The following KCTD15 variants were observed in gnomAD, a reference collection of about 807,000 sequenced individuals.
The protein encoded by KCTD15 is BTB/POZ domain-containing protein KCTD15.
KCTD15 carries 11 observed loss-of-function variants against 27.2 expected under a neutral mutation model. That is an observed-to-expected ratio of 0.41 (90% confidence interval 0.25 to 0.67). The LOEUF is 0.67. Ranked by LOEUF, KCTD15 falls within the 30% of genes least tolerant of loss-of-function variation. The pLI is 0.35. For synonymous variants in KCTD15, 163 were observed against 176.0 expected (o/e 0.93, Z 0.58); for missense variants, 350 against 409.3 (o/e 0.86, Z 1.25).
chr19:33,809,513 C>T (rs1270218846), intron 5 of KCTD15, among the ~76,000 whole-genome samples: 1 of 151,840 alleles, frequency 6.6e-6, no homozygotes, highest in Non-Finnish European at 1.5e-5. Context: ...GGTGGGGCAT[C>T]AGATGGAGAA....
At chr19:33,800,873 A>T (rs1319027544) in intron 3 of KCTD15, among the ~76,000 whole-genome samples, 2 of 152,104 alleles carry the variant, frequency 1.3e-5, no homozygotes, top group African/African-American at 2.4e-5. Context: ...AGAATTTTGC[A>T]GTTTGTTTTA....
intron 6 of KCTD15, chr19:33,812,446 G>A (rs923318528): frequency 9.2e-7 from 1 of 1,088,712 alleles, no homozygotes; most frequent in Non-Finnish European, 1.1e-6. Context: ...CCATGTGTCT[G>A]GAGAGAGGGC....
intron 5 of KCTD15, among the ~76,000 whole-genome samples, chr19:33,810,433 G>A (rs1372831895): frequency 6.6e-6 from 1 of 152,102 alleles, no homozygotes. Context: ...AGTGGCTCAC[G>A]CCTTGGGAGG....
chr19:33,805,561 G>T (rs1975684823), intron 4 of KCTD15, among the ~76,000 whole-genome samples: 1 of 152,214 alleles, frequency 6.6e-6, no homozygotes, highest in Non-Finnish European at 1.5e-5. Context: ...GCTCCAGATT[G>T]TGTGCAGGCC....
chr19:33,796,936 G>A lies in KCTD15; in HGVS notation c.-178G>A, dbSNP rs999475521. 2 of 151,876 alleles carry A rather than the reference G, an allele frequency of 1.3e-5. No individual in the cohort carries two copies. Among genetic ancestry groups the A allele is most frequent in the Admixed American group, 6.6e-5 (1 of 15,254 alleles). 9.4% of individuals were successfully genotyped at this position (151,876 alleles called of 1,614,324 possible). A position where few individuals can be genotyped will look rare whatever the true frequency, so the allele number is the denominator to read the frequency against. ...GAAGCTGCGCCCGGCGCCCGAGACCGGCAGCTGCGTGGGGCGGGGGCTGCG... is the reference window on the plus strand; with the variant it reads ...GAAGCTGCGCCCGGCGCCCGAGACCAGCAGCTGCGTGGGGCGGGGGCTGCG... On this transcript the variant is annotated 5_prime_UTR_variant, in exon 1 of 7. Transcript: ENST00000683859.
Position 33,797,279 on chromosome 19 carries a change from T to TGC in KCTD15, c.-127+293_-127+294insCG, listed in dbSNP as rs1568374132. 37 of 247,282 alleles carry TGC rather than the reference T, an allele frequency of 1.5e-4. 3 individuals carry two copies. The highest frequency in any genetic ancestry group is 2.3e-4 in the Non-Finnish European group (29 of 125,740). 15.3% of individuals were successfully genotyped at this position (247,282 alleles called of 1,614,324 possible). On this transcript the variant is annotated intron_variant, in intron 1 of 6. Coordinates refer to ENST00000683859, the MANE Select transcript of KCTD15 (RefSeq NM_001129994.2). ...GTGTGTGTGTGTGTGTGTGTGTGTG[T>TGC]GTGTGCGCGCGCGCGCGCGCGCGCT... is the stretch of plus-strand genomic sequence containing the variant.
At chr19:33,794,079 ACT>A (rs71815301), upstream of KCTD15, among the ~76,000 whole-genome samples, 5,562 of 152,310 alleles carry the variant, frequency 0.037, 347 homozygotes, top group African/African-American at 0.13. Context: ...ATAAAGTGAA[ACT>A]CTTAAAAAAA....
chr19:33,797,267 T>C (rs1975353533), intron 1 of KCTD15: 4 of 301,020 alleles, frequency 1.3e-5, no homozygotes, highest in Non-Finnish European at 2.6e-5. Flanking sequence ...TGTGTGTGTG[T>C]GTGTGTGTGT....
At chr19:33,800,407 T>G in intron 2 of KCTD15, 21 bp from the exon 3 acceptor site, 1 of 1,558,414 alleles carries the variant, frequency 6.4e-7, no homozygotes, top group South Asian at 1.2e-5. Flanking sequence ...CCTTCTCTGG[T>G]TTTGTCGATG....
At chr19:33,801,395 G>A (rs1599672452) in intron 4 of KCTD15, 53 bp downstream of exon 4, 4 of 1,470,916 alleles carry the variant, frequency 2.7e-6, no homozygotes, top group Admixed American at 2.0e-5. Flanking sequence ...GGCAGCATCT[G>A]TAATCTGCTG....
chr19:33,806,751 G>C (rs1975723206), intron 4 of KCTD15, 112 bp from the exon 5 acceptor site: 1 of 1,233,138 alleles, frequency 8.1e-7, no homozygotes, highest in African/African-American at 1.5e-5. Context: ...ACCCATGTCA[G>C]GTCCCTCGCC....
At chr19:33,795,212 C>T (rs1975278774), upstream of KCTD15, among the ~76,000 whole-genome samples, 2 of 152,318 alleles carry the variant, frequency 1.3e-5, no homozygotes, top group South Asian at 4.1e-4. Context: ...GAAAATTTCC[C>T]CCTTTTTCCT....
upstream of KCTD15, among the ~76,000 whole-genome samples, chr19:33,794,298 ACC>A (rs1446307032): frequency 6.6e-6 from 1 of 152,182 alleles, no homozygotes; most frequent in Non-Finnish European, 1.5e-5. Flanking sequence ...CCATTTATAC[ACC>A]CGTCCTTGAC....
intron 4 of KCTD15, among the ~76,000 whole-genome samples, chr19:33,804,680 T>G (rs1480241990): frequency 6.6e-6 from 1 of 152,216 alleles, no homozygotes; most frequent in Admixed American, 6.5e-5. Flanking sequence ...GACATCTGGA[T>G]GCCCACGCTC....
intron 4 of KCTD15, among the ~76,000 whole-genome samples, chr19:33,805,436 G>C (rs1046784697): frequency 1.3e-5 from 2 of 152,218 alleles, no homozygotes; most frequent in African/African-American, 4.8e-5. Flanking sequence ...AGTGGCAGTG[G>C]GGCAGGGCCC....
At chr19:33,811,909 G>C (rs1975938447) in intron 6 of KCTD15, 1 of 1,566,552 alleles carries the variant, frequency 6.4e-7, no homozygotes. Context: ...CAGAGGCTGA[G>C]TGGAAAGGTG....
upstream of KCTD15, among the ~76,000 whole-genome samples, chr19:33,794,638 G>T (rs377092450): frequency 6.6e-6 from 1 of 152,118 alleles, no homozygotes; most frequent in Non-Finnish European, 1.5e-5. Flanking sequence ...GGCCTGGGGC[G>T]GGGGAGGACG....
chr19:33,811,585 A>C (rs1216213601), intron 6 of KCTD15, 33 bp downstream of exon 6: 11 of 1,573,896 alleles, frequency 7.0e-6, no homozygotes, highest in Admixed American at 5.2e-5. Context: ...TCCCCGCCGC[A>C]CCCCCGGCGT....
chr19:33,795,548 C>T, upstream of KCTD15, among the ~76,000 whole-genome samples: 1 of 151,954 alleles, frequency 6.6e-6, no homozygotes, highest in East Asian at 1.9e-4. Context: ...GCGGTCCCAG[C>T]CGGTCTCCGG....
Sources: allele counts gnomAD v4.1 joint callset (sites outside exome capture counted in the v4.1 genomes callset), GRCh38; gene constraint gnomAD v4.1.1; transcripts MANE v1.5; gene names NCBI Gene and HGNC (gene_info 2026-07-23, HGNC 2026-07-21).